Variants in ADGRV1 observed in about 807,000 individuals in gnomAD.
ADGRV1 encodes G-protein coupled receptor 98.
In ADGRV1, 359 loss-of-function variants were observed where a neutral mutation model predicts 596.2. The ratio of observed to expected loss-of-function variants is 0.60; its 90% CI spans 0.55 to 0.66. ADGRV1 has a LOEUF of 0.66. Among genes scored for constraint, ADGRV1 ranks in the 30% least tolerant of loss-of-function variants. The probability of loss-of-function intolerance (pLI) is 0.00; values close to 1 mark genes in which losing one functional copy is unlikely to be tolerated. For synonymous variants in ADGRV1, 2,681 were observed against 2,679.2 expected, an observed-to-expected ratio of 1.00 and a Z score of -0.02; for missense variants, 7,274 against 7,575.6, an observed-to-expected ratio of 0.96 and a Z score of 1.48.
intron 86 of ADGRV1, among the ~76,000 whole-genome samples, chr5:91,076,454 G>T (rs1788862497): frequency 6.6e-6 from 1 of 152,090 alleles, no homozygotes; most frequent in Non-Finnish European, 1.5e-5. Flanking sequence ...CCAGGGCCTT[G>T]CAGAGTGCTT....
chr5:90,673,777 A>G (rs1772835547), intron 22 of ADGRV1, among the ~76,000 whole-genome samples: 1 of 152,122 alleles, frequency 6.6e-6, no homozygotes, highest in South Asian at 2.1e-4. Context: ...AGATTTTAAC[A>G]TAGGAATTTG....
intron 21 of ADGRV1, among the ~76,000 whole-genome samples, chr5:90,662,880 C>T (rs1051658415): frequency 4.6e-5 from 7 of 151,862 alleles, no homozygotes; most frequent in South Asian, 4.2e-4. Flanking sequence ...TTTGTTCTTG[C>T]GATACTTTAC....
chr5:90,735,084 G>A (rs1318771627), intron 50 of ADGRV1, among the ~76,000 whole-genome samples: 1 of 152,126 alleles, frequency 6.6e-6, no homozygotes, highest in Non-Finnish European at 1.5e-5. Flanking sequence ...AACTTCTGGA[G>A]TCAATCAAAA....
intron 87 of ADGRV1, among the ~76,000 whole-genome samples, chr5:91,103,297 G>T (rs1320563341): frequency 6.6e-6 from 1 of 152,040 alleles, no homozygotes; most frequent in Non-Finnish European, 1.5e-5. Flanking sequence ...TTTCTATATA[G>T]ACAACTGTCT....
At chr5:91,080,602 A>AAC (rs1789262312) in intron 86 of ADGRV1, among the ~76,000 whole-genome samples, 1 of 151,650 alleles carries the variant, frequency 6.6e-6, no homozygotes, top group Admixed American at 6.6e-5. Flanking sequence ...AAAAAAAAAA[A>AAC]AAAAAAAAAC....
chr5:90,674,065 A>G lies in ADGRV1; in HGVS notation c.4941A>G (p.Ile1647Met), dbSNP rs771142034. Residue 1647 changes from isoleucine to methionine, a missense_variant, in exon 23 of 90, where the codon ATA becomes ATG. Transcript: ENST00000405460. ...LPWQRSEVLNIYVLDDDIPEL... is the reference protein window; with the variant it reads ...LPWQRSEVLNMYVLDDDIPEL... ...ATTTATATTTTTAGGTTCTGAATAT[A>G]TATGTTCTTGATGATGATATTCCTG... 5 of 1,609,598 alleles carry G rather than the reference A, an allele frequency of 3.1e-6. No homozygotes were observed. In the South Asian group the frequency reaches 3.3e-5, roughly 11 times the overall value.
intron 52 of ADGRV1, among the ~76,000 whole-genome samples, chr5:90,746,121 G>T (rs1467275181): frequency 1.3e-5 from 2 of 151,696 alleles, no homozygotes; most frequent in African/African-American, 4.8e-5. Context: ...AGAGAGAAAG[G>T]ATGAAATAGA....
chr5:90,959,979 A>C (rs947621110), intron 83 of ADGRV1, among the ~76,000 whole-genome samples: 2 of 151,532 alleles, frequency 1.3e-5, no homozygotes, highest in Non-Finnish European at 3.0e-5. Context: ...CTCTACTAAA[A>C]ATACAAAAAA....
chr5:90,740,199 G>A (rs1753787814), intron 50 of ADGRV1, among the ~76,000 whole-genome samples: 1 of 152,060 alleles, frequency 6.6e-6, no homozygotes, highest in East Asian at 1.9e-4. Flanking sequence ...GGGTCCCTTT[G>A]TGGATAATGC....
chr5:90,979,230 G>A lies in ADGRV1; in HGVS notation c.17974-6114G>A, dbSNP rs138897718. 9.9e-5 allele frequency among the ~76,000 whole-genome samples: 15 copies of A among 151,388 alleles called. 1 individual carries two copies. In the East Asian group the frequency reaches 2.1e-3, roughly 22 times the overall value. ...GTCACTGCAGCTGGAGTGCAGTGGC[G>A]CAGTCTCGGCTCACTGCAACCTCCG... On this transcript the variant is annotated intron_variant, in intron 84 of 89. Coordinates refer to ENST00000405460, the MANE Select transcript of ADGRV1 (RefSeq NM_032119.4).
rs754437537 is a variant in ADGRV1 at position 90,725,544 on chromosome 5, T to G, written c.10054-5T>G. ...TAAGTTTTCATTCCCACTCTGTCCT[T>G]GCAGGTACAAACAATCATTATTCTG... On this transcript the variant is annotated splice_polypyrimidine_tract_variant and splice_region_variant and intron_variant, in intron 47 of 89. Transcript: ENST00000405460. The G allele has an allele frequency of 1.4e-6, 2 of 1,428,226 alleles. No homozygotes were observed. The highest frequency in any genetic ancestry group is 2.8e-5 in the African/African-American group (2 of 71,308). The allele number at this position is 1,428,226 out of a possible 1,614,324, so 88.5% of individuals were successfully genotyped here. A position where few individuals can be genotyped will look rare whatever the true frequency, so the allele number is the denominator to read the frequency against.
At chr5:90,643,733 T>A (rs1224990948) in intron 13 of ADGRV1, 70 bp from the exon 14 acceptor site, 2 of 1,183,430 alleles carry the variant, frequency 1.7e-6, no homozygotes, top group Non-Finnish European at 2.4e-6. Flanking sequence ...TATTCTTGAA[T>A]ATTTATGTTT....
chr5:90,712,484 A>G (rs1245885428), intron 42 of ADGRV1, 56 bp downstream of exon 42: 13 of 1,251,430 alleles, frequency 1.0e-5, no homozygotes, highest in Non-Finnish European at 5.6e-6. Context: ...GTTCCTTAAT[A>G]TGGGGGAAGA....
chr5:90,853,199 A>G, intron 79 of ADGRV1, 85 bp from the exon 80 acceptor site: 2 of 1,278,992 alleles, frequency 1.6e-6, no homozygotes, highest in Admixed American at 2.3e-5. Flanking sequence ...ATAGAATCCA[A>G]GTGTAATGCA....
intron 1 of ADGRV1, among the ~76,000 whole-genome samples, chr5:90,582,109 GT>G (rs71614756): frequency 0.026 from 3,301 of 127,918 alleles, 75 homozygotes; most frequent in African/African-American, 0.072. Flanking sequence ...CCAAGCATGT[GT>G]TTTTTTTTTT....
intron 3 of ADGRV1, among the ~76,000 whole-genome samples, chr5:90,618,705 G>C (rs1763674222): frequency 1.3e-5 from 2 of 151,936 alleles, no homozygotes; most frequent in Non-Finnish European, 2.9e-5. Context: ...TAAAGTTCCA[G>C]TACCTTCAAT....
chr5:90,935,653 C>T (rs1446616086), intron 83 of ADGRV1, among the ~76,000 whole-genome samples: 1 of 152,060 alleles, frequency 6.6e-6, no homozygotes, highest in Non-Finnish European at 1.5e-5. Context: ...GTCTGTGGGC[C>T]CCACAAAATT....
Position 90,854,215 on chromosome 5 carries a change from A to C in ADGRV1, c.17594+14A>C. Reference sequence around the variant, plus strand: ...GGCTGCTGCAAGGTACTTATTAATAAAATAAAAAAATCAGAATTTGGTCCT... The same window carrying C: ...GGCTGCTGCAAGGTACTTATTAATACAATAAAAAAATCAGAATTTGGTCCT... On this transcript the variant is annotated intron_variant, in intron 81 of 89. Coordinates refer to ENST00000405460, the MANE Select transcript of ADGRV1 (RefSeq NM_032119.4). 6.6e-7 allele frequency: 1 copy of C among 1,515,360 alleles called. No homozygotes were observed. Among genetic ancestry groups the C allele is most frequent in the African/African-American group, 1.4e-5 (1 of 71,352 alleles). The allele number at this position is 1,515,360 out of a possible 1,614,324, so 93.9% of individuals were successfully genotyped here.
At chr5:91,056,285 A>C (rs1313790881) in intron 85 of ADGRV1, among the ~76,000 whole-genome samples, 1 of 152,142 alleles carries the variant, frequency 6.6e-6, no homozygotes, top group Non-Finnish European at 1.5e-5. Flanking sequence ...AGGATTCAGA[A>C]AGCTGTAGTG....
Sources: gnomAD v4.1 joint callset for allele counts (sites outside exome capture counted in the v4.1 genomes callset) on GRCh38, gnomAD v4.1.1 for gene constraint, MANE v1.5 for transcripts, NCBI Gene and HGNC (gene_info 2026-07-23, HGNC 2026-07-21) for gene names.